The following DTX2 variants were observed in gnomAD, a reference collection of about 807,000 sequenced individuals.
The protein encoded by DTX2 is probable E3 ubiquitin-protein ligase DTX2.
In DTX2, 29 loss-of-function variants were observed where a neutral mutation model predicts 55.3. The ratio of observed to expected loss-of-function variants is 0.52; its 90% CI spans 0.39 to 0.71. The LOEUF (loss-of-function observed/expected upper bound fraction) is 0.71. Among genes scored for constraint, DTX2 ranks in the 30% least tolerant of loss-of-function variants. The pLI, the probability that DTX2 is intolerant of heterozygous loss-of-function variation, is 0.00. For synonymous variants in DTX2, 276 were observed against 340.4 expected (o/e 0.81, Z 2.08); for missense variants, 537 against 822.5 (o/e 0.65, Z 4.25).
rs559041708 is a variant in DTX2 at position 76,503,374 on chromosome 7, T to C, written c.1390-52T>C. On this transcript the variant is annotated intron_variant, in intron 8 of 10. Transcript: ENST00000430490. ...TACCATCTGACGGTGGAGGTGACGG[T>C]CTTGGGTGTTCTCAGACTGCCAGCT... 3.8e-6 allele frequency: 6 copies of C among 1,582,784 alleles called. No individual in the cohort carries two copies. The African/African-American group carries it at 5.4e-5, about 14-fold the overall frequency.
chr7:76,468,998 C>T (rs1807534121), intron 2 of DTX2, among the ~76,000 whole-genome samples: 2 of 115,922 alleles, frequency 1.7e-5, no homozygotes, highest in Non-Finnish European at 3.7e-5. Context: ...CTCCTGGCCT[C>T]AAATGATCCA....
intron 5 of DTX2, among the ~76,000 whole-genome samples, chr7:76,493,692 G>A (rs543073306): frequency 1.5e-5 from 2 of 132,052 alleles, no homozygotes; most frequent in African/African-American, 2.8e-5. Flanking sequence ...GGCGGCTGGT[G>A]CAGAGCCTGA....
At chr7:76,478,062 CAAGCACTAT>C (rs1808740829) in intron 2 of DTX2, 1 of 141,800 alleles carries the variant, frequency 7.1e-6, no homozygotes, top group South Asian at 2.4e-4. Context: ...CCTCGTCTCT[CAAGCACTAT>C]ACACCCTCAT....
chr7:76,482,770 G>T lies in DTX2; in HGVS notation c.531G>T (p.Gly177=). The change falls in exon 4 of 11, where the codon GGG becomes GGT. Residue 177 remains glycine (G), a synonymous_variant. Coordinates refer to ENST00000430490, the MANE Select transcript of DTX2 (RefSeq NM_001102594.3). ...GCCGCAGCGTGCGGCGCCAAGCAGG[G>T]CCGCCTTACCCGGTGACCACCATCA... ...SFCRSVRRQA[G]PPYPVTTIIA... is the part of the protein sequence containing the mutation. 2 of 1,613,826 alleles carry T rather than the reference G, an allele frequency of 1.2e-6. No homozygotes were observed. The highest frequency in any genetic ancestry group is 2.2e-5 in the South Asian group (2 of 91,070).
rs1020883595 is a variant in DTX2, at chr7:76,480,906, G to A, written c.268+129G>A. The A allele has an allele frequency of 2.7e-6, 3 of 1,114,782 alleles. No homozygotes were observed. The African/African-American group carries it at 4.7e-5, about 18-fold the overall frequency. 69.1% of individuals were successfully genotyped at this position (1,114,782 alleles called of 1,614,324 possible). ...GCTCTCTCCCTGCAGCACACGTGGT[G>A]GTGGGTGGGTGCAGTGAGTGGGAAC... is the stretch of plus-strand genomic sequence containing the variant. On this transcript the variant is annotated intron_variant, in intron 3 of 10. Transcript: ENST00000430490.
At chr7:76,483,918 A>G (rs1809611725) in intron 4 of DTX2, among the ~76,000 whole-genome samples, 1 of 152,142 alleles carries the variant, frequency 6.6e-6, no homozygotes, top group South Asian at 2.1e-4. Flanking sequence ...TTAGCCAGGC[A>G]TGGTGGTACA....
intron 7 of DTX2, among the ~76,000 whole-genome samples, chr7:76,500,960 C>G (rs555386605): frequency 2.0e-5 from 3 of 152,314 alleles, no homozygotes; most frequent in Admixed American, 2.0e-4. Flanking sequence ...CACACTGTCG[C>G]CCAGGCTCAG....
At chr7:76,499,451 G>A (rs1811389985) in intron 6 of DTX2, among the ~76,000 whole-genome samples, 1 of 151,968 alleles carries the variant, frequency 6.6e-6, no homozygotes. Context: ...GCAGTTGTGA[G>A]CCCTCAGGCT....
intron 3 of DTX2, among the ~76,000 whole-genome samples, chr7:76,481,317 G>A (rs1809185679): frequency 6.6e-6 from 1 of 152,028 alleles, no homozygotes; most frequent in South Asian, 2.1e-4. Flanking sequence ...CTCCCGAGTA[G>A]CTGGGATTAT....
rs149647142 is a variant in DTX2 at position 76,505,514 on chromosome 7, C to T, written c.1782C>T (p.His594=). 109 of 1,609,442 alleles carry T rather than the reference C, an allele frequency of 6.8e-5. 1 individual carries two copies. Among genetic ancestry groups the T allele is most frequent in the South Asian group, 2.6e-4 (23 of 90,102 alleles). Residue 594 remains histidine, a synonymous_variant, in exon 11 of 11, where the codon CAC becomes CAT. Transcript: ENST00000430490. The surrounding 1 kb of genome is among the most constrained non-coding windows in gnomAD (Gnocchi z 4.4). The stretch of plus-strand genomic sequence containing the variant: ...AGATGGACCGCAACATTACGGGCCA[C>T]GGCTATCCCGACCCCAACTACCTGC... The part of the protein sequence containing the change: ...KTEMDRNITG[H]GYPDPNYLQN...
intron 2 of DTX2, among the ~76,000 whole-genome samples, chr7:76,468,707 G>A (rs931692807): frequency 1.5e-5 from 1 of 65,576 alleles, no homozygotes; most frequent in Non-Finnish European, 2.7e-5. Flanking sequence ...ATCCACCCCC[G>A]CTTGGCCTCC....
chr7:76,477,245 A>G (rs1446739606), intron 2 of DTX2: 1 of 140,946 alleles, frequency 7.1e-6, no homozygotes, highest in Non-Finnish European at 1.5e-5. Context: ...CGGGCCTGGC[A>G]CCCACAGAGC....
At chr7:76,491,243 A>C (rs1026386100) in intron 4 of DTX2, among the ~76,000 whole-genome samples, 1 of 145,472 alleles carries the variant, frequency 6.9e-6, no homozygotes, top group Non-Finnish European at 1.5e-5. Flanking sequence ...CGATCCACCC[A>C]CCTTGGCCTC....
intron 6 of DTX2, among the ~76,000 whole-genome samples, chr7:76,498,756 C>T (rs1161591254): frequency 8.5e-5 from 5 of 58,932 alleles, no homozygotes; most frequent in African/African-American, 3.1e-4. Context: ...CTGGCGTTCT[C>T]GCCACCGTGA....
At chr7:76,495,846 G>A (rs893750539) in intron 5 of DTX2, among the ~76,000 whole-genome samples, 8 of 146,978 alleles carry the variant, frequency 5.4e-5, no homozygotes, top group African/African-American at 1.0e-4. Flanking sequence ...GCCCGCTGAG[G>A]CAGTGTTGCC....
chr7:76,505,678 C>A lies in DTX2; in HGVS notation c.*77C>A. On this transcript the variant is annotated 3_prime_UTR_variant, in exon 11 of 11. Transcript: ENST00000430490. The surrounding 1 kb of genome is among the most constrained non-coding windows in gnomAD (Gnocchi z 4.4). ...TGGCTGGGTGGCCAGGCAGGAAGTGCCCAGCCCGAGAGGCTGGGAGGTTTG... is the reference window on the plus strand; with the variant it reads ...TGGCTGGGTGGCCAGGCAGGAAGTGACCAGCCCGAGAGGCTGGGAGGTTTG... The A allele has an allele frequency of 1.4e-6, 2 of 1,443,708 alleles. No homozygotes were observed. The highest frequency in any genetic ancestry group is 1.9e-6 in the Non-Finnish European group (2 of 1,070,336). 89.4% of individuals were successfully genotyped at this position (1,443,708 alleles called of 1,614,324 possible).
At chr7:76,491,161 C>T (rs1810385232) in intron 4 of DTX2, among the ~76,000 whole-genome samples, 1 of 151,778 alleles carries the variant, frequency 6.6e-6, no homozygotes, top group African/African-American at 2.4e-5. Context: ...CCACGCCTGG[C>T]TAATTTTTGT....
intron 2 of DTX2, among the ~76,000 whole-genome samples, chr7:76,476,374 G>C (rs1279099617): frequency 7.1e-6 from 1 of 141,822 alleles, no homozygotes; most frequent in Non-Finnish European, 1.5e-5. Context: ...GGCGTTTCTG[G>C]GCAGTGACTC....
At chr7:76,499,574 T>A (rs1447677474) in intron 6 of DTX2, among the ~76,000 whole-genome samples, 3 of 149,836 alleles carry the variant, frequency 2.0e-5, no homozygotes, top group African/African-American at 7.4e-5. Flanking sequence ...GTGGAGCCCC[T>A]GTCAGGAGCG....
Sources: gnomAD v4.1 joint callset for allele counts (sites outside exome capture counted in the v4.1 genomes callset) on GRCh38, gnomAD v4.1.1 for gene constraint, Gnocchi (gnomAD v3.1) non-coding constraint, MANE v1.5 for transcripts, NCBI Gene and HGNC (gene_info 2026-07-23, HGNC 2026-07-21) for gene names.